NDUFV1: variants seen among roughly 807,000 people sequenced by gnomAD.
The protein encoded by NDUFV1 is NADH:ubiquinone oxidoreductase core subunit V1, also known as NADH dehydrogenase [ubiquinone] flavoprotein 1, mitochondrial.
In NDUFV1, 41 loss-of-function variants were observed where a neutral mutation model predicts 48.7. That is an observed-to-expected ratio of 0.84 (90% CI 0.66 to 1.09). The LOEUF (loss-of-function observed/expected upper bound fraction) is 1.09. NDUFV1 is among the 50% of genes least tolerant of loss of function. The pLI, the probability that NDUFV1 is intolerant of heterozygous loss-of-function variation, is 0.00. For synonymous variants in NDUFV1, 231 were observed against 259.1 expected, an observed-to-expected ratio of 0.89 and a Z score of 1.04; for missense variants, 580 against 645.4, an observed-to-expected ratio of 0.90 and a Z score of 1.10.
In NDUFV1 at chr11:67,610,419, C is replaced by G. The variant is rs10896187; in HGVS notation, c.549C>G (p.Gly183=). The part of the protein sequence containing the change: ...IREAYEAGLI[G]KNACGSGYDF... ...AGGCCTATGAGGCAGGTCTGATTGGCAAGAATGCTTGTGGCTCTGGCTATG... is the reference window on the plus strand; with the variant it reads ...AGGCCTATGAGGCAGGTCTGATTGGGAAGAATGCTTGTGGCTCTGGCTATG... Residue 183 remains glycine, a synonymous_variant, in exon 5 of 10, where the codon GGC becomes GGG. Transcript: ENST00000322776. The G allele has an allele frequency of 8.6e-3, 13,922 of 1,614,096 alleles. 1,046 individuals carry two copies. The African/African-American group carries it at 0.16, about 19-fold the overall frequency.
In NDUFV1 at chr11:67,611,467, G is replaced by A. The variant is rs1188731694; in HGVS notation, c.978G>A (p.Leu326=). The A allele has an allele frequency of 1.2e-5, 19 of 1,614,014 alleles. No individual in the cohort carries two copies. The highest frequency in any genetic ancestry group is 1.7e-5 in the Admixed American group (1 of 60,002). ...TCCCTGGCGGCTCGTCTACCCCACTGATCCCCAAGTCTGTGTGTGAGACGG... is the reference window on the plus strand; with the variant it reads ...TCCCTGGCGGCTCGTCTACCCCACTAATCCCCAAGTCTGTGTGTGAGACGG... ...AVIPGGSSTP[L]IPKSVCETVL... is the part of the protein sequence containing the mutation. Residue 326 remains leucine (L), a synonymous_variant, in exon 7 of 10, where the codon CTG becomes CTA. Coordinates refer to ENST00000322776, the MANE Select transcript of NDUFV1 (RefSeq NM_007103.4). The surrounding 1 kb of genome is among the most constrained non-coding windows in gnomAD (Gnocchi z 4.2).
In NDUFV1 at chr11:67,612,494, T is replaced by C. The variant is rs1193236847; in HGVS notation, c.*36T>C. On this transcript the variant is annotated 3_prime_UTR_variant, in exon 10 of 10. Coordinates refer to ENST00000322776, the MANE Select transcript of NDUFV1 (RefSeq NM_007103.4). This position sits in a 1 kb window ranked among gnomAD's most constrained non-coding sequence, Gnocchi z 4.4. ...TGGCCTGCTGTCCTGCGTCTATCCA[T>C]GTGGAATGCTGGACAATAAAGCGAG... 3 of 1,594,644 alleles carry C rather than the reference T, an allele frequency of 1.9e-6. No individual in the cohort carries two copies. The highest frequency in any genetic ancestry group is 2.2e-5 in the South Asian group (2 of 89,294).
chr11:67,608,707 A>G lies in NDUFV1; in HGVS notation c.311A>G (p.Lys104Arg), dbSNP rs548391648. 1 of 1,613,928 alleles carries G rather than the reference A, an allele frequency of 6.2e-7. No homozygotes were observed. The highest frequency in any genetic ancestry group is 1.3e-5 in the African/African-American group (1 of 75,022). The part of the protein sequence containing the change: ...PTGLKWSFMN[K>R]PSDGRPKYLV... The stretch of plus-strand genomic sequence containing the variant: ...GGCCTCAAGTGGAGCTTCATGAATA[A>G]GCCCTCAGATGGCAGGTGTGTGTGT... The change falls in exon 3 of 10, where the codon AAG becomes AGG. Residue 104 changes from lysine (K) to arginine (R), a missense_variant. By Grantham distance (26) the Lys-to-Arg change is conservative. Coordinates refer to ENST00000322776, the MANE Select transcript of NDUFV1 (RefSeq NM_007103.4).
At chr11:67,610,777 G>A in intron 5 of NDUFV1, 1 of 796,776 alleles carries the variant, frequency 1.3e-6, no homozygotes, top group Non-Finnish European at 2.0e-6. Context: ...GTGCTGCTCT[G>A]TGGCTCCACC....
At chr11:67,610,854 G>T in intron 5 of NDUFV1, 141 bp from the exon 6 acceptor site, 1 of 856,140 alleles carries the variant, frequency 1.2e-6, no homozygotes. Flanking sequence ...CTGGAGTTTG[G>T]GGTCCAGCAG....
rs778847509 is a variant in NDUFV1, at chr11:67,611,226, C to CAGGT, written c.913+20_913+23dup. On this transcript the variant is annotated intron_variant, in intron 6 of 9. Coordinates refer to ENST00000322776, the MANE Select transcript of NDUFV1 (RefSeq NM_007103.4). The surrounding 1 kb of genome is among the most constrained non-coding windows in gnomAD (Gnocchi z 4.2). ...CATGCTGGTAAGGCCTGGGGCCAGC[C>CAGGT]AGGTGGTGGGGGGGTGCGCAGTGGG... 5.6e-6 allele frequency: 9 copies of CAGGT among 1,612,138 alleles called. No individual in the cohort carries two copies. The highest frequency in any genetic ancestry group is 6.8e-6 in the Non-Finnish European group (8 of 1,178,944).
Position 67,608,642 on chromosome 11 carries a change from A to G in NDUFV1, c.246A>G (p.Thr82=), listed in dbSNP as rs755061567. Reference sequence around the variant, plus strand: ...ACTGGATCCTGGGCGAGATCAAGACATCGGGTTTGAGGGGCCGTGGAGGCG... The same window carrying G: ...ACTGGATCCTGGGCGAGATCAAGACGTCGGGTTTGAGGGGCCGTGGAGGCG... ...GPDWILGEIK[T]SGLRGRGGAG... The change falls in exon 3 of 10, where the codon ACA becomes ACG. Residue 82 remains threonine (T), a synonymous_variant. Coordinates refer to ENST00000322776, the MANE Select transcript of NDUFV1 (RefSeq NM_007103.4). 26 of 1,614,126 alleles carry G rather than the reference A, an allele frequency of 1.6e-5. No individual in the cohort carries two copies. The African/African-American group carries it at 3.2e-4, about 20-fold the overall frequency.
chr11:67,607,552 A>G (rs948580064), intron 1 of NDUFV1: 1 of 455,760 alleles, frequency 2.2e-6, no homozygotes, highest in East Asian at 6.9e-5. Flanking sequence ...GAGCCCCTCC[A>G]TCACCTGTGT....
Position 67,608,462 on chromosome 11 carries a change from G to A in NDUFV1, c.139G>A (p.Gly47Ser), listed in dbSNP as rs933746127. 4.3e-6 allele frequency: 7 copies of A among 1,613,986 alleles called. No individual in the cohort carries two copies. The highest frequency in any genetic ancestry group is 2.7e-5 in the African/African-American group (2 of 74,882). The change falls in exon 2 of 10, where the codon GGC becomes AGC. Residue 47 changes from glycine to serine, a missense_variant. Transcript: ENST00000322776. ...DEDRIFTNLY[G>S]RHDWRLKGSL... ...AGACCGGATTTTCACCAACCTGTACGGCCGCCATGACTGGAGGTGAGACAG... is the reference window on the plus strand; with the variant it reads ...AGACCGGATTTTCACCAACCTGTACAGCCGCCATGACTGGAGGTGAGACAG...
rs140445386 is a variant in NDUFV1, at chr11:67,609,491, G to A, written c.366G>A (p.Pro122=). The change falls in exon 4 of 10, where the codon CCG becomes CCA. Residue 122 remains proline (P), a synonymous_variant. Transcript: ENST00000322776. Reference sequence around the variant, plus strand: ...TGGTGAACGCAGACGAGGGGGAGCCGGGCACCTGCAAGGACCGGGAGATCT... The same window carrying A: ...TGGTGAACGCAGACGAGGGGGAGCCAGGCACCTGCAAGGACCGGGAGATCT... ...YLVVNADEGE[P]GTCKDREILR... The A allele has an allele frequency of 1.6e-4, 253 of 1,613,680 alleles. No homozygotes were observed. In the African/African-American group the frequency reaches 2.3e-3, roughly 15 times the overall value.
intron 1 of NDUFV1, 141 bp downstream of exon 1, chr11:67,607,217 C>T (rs1292573847): frequency 1.0e-6 from 1 of 984,016 alleles, no homozygotes; most frequent in Non-Finnish European, 1.6e-6. Context: ...CCCGCTCCGG[C>T]CTGGTTGAAG....
At chr11:67,608,865 CT>C in intron 3 of NDUFV1, 143 bp downstream of exon 3, 2 of 1,158,278 alleles carry the variant, frequency 1.7e-6, no homozygotes, top group South Asian at 2.7e-5. Flanking sequence ...ATGGATGGGA[CT>C]TACTCTGTGG....
Position 67,611,857 on chromosome 11 carries a change from TCTGGCCGTGGGTGC to T in NDUFV1, c.1081-36_1081-23del. On this transcript the variant is annotated intron_variant, in intron 7 of 9. Transcript: ENST00000322776. The surrounding 1 kb of genome is among the most constrained non-coding windows in gnomAD (Gnocchi z 4.2). ...TAGGGGGCTGAGGCCCAGGCTTCTG[TCTGGCCGTGGGTGC>T]CTGCTAATTGCCCCTCGTCACCCAG... The T allele has an allele frequency of 6.2e-7, 1 of 1,608,214 alleles. No homozygotes were observed. The highest frequency in any genetic ancestry group is 8.5e-7 in the Non-Finnish European group (1 of 1,174,894).
Position 67,609,280 on chromosome 11 carries a change from CCT to C in NDUFV1, c.327-171_327-170del. The stretch of plus-strand genomic sequence containing the variant: ...CAAAGACAGAATAGGCAGTGAGCTC[CCT>C]GTCATTGGTGGTGAGCAAGCAGAGC... On this transcript the variant is annotated intron_variant, in intron 3 of 9. Coordinates refer to ENST00000322776, the MANE Select transcript of NDUFV1 (RefSeq NM_007103.4). The C allele has an allele frequency of 6.1e-6, 4 of 655,124 alleles. 1 individual carries two copies. Among genetic ancestry groups the C allele is most frequent in the South Asian group, 5.7e-5 (3 of 52,852 alleles). The allele number at this position is 655,124 out of a possible 1,614,324, so 40.6% of individuals were successfully genotyped here. A position where few individuals can be genotyped will look rare whatever the true frequency, so the allele number is the denominator to read the frequency against.
chr11:67,612,177 C>T lies in NDUFV1; in HGVS notation c.1220C>T (p.Ala407Val). The change falls in exon 9 of 10, where the codon GCC becomes GTC. Residue 407 changes from alanine to valine, a missense_variant. By Grantham distance (64) the Ala-to-Val change is moderately conservative. Transcript: ENST00000322776. The surrounding 1 kb of genome is among the most constrained non-coding windows in gnomAD (Gnocchi z 4.4). ...ARFVRGDARP[A>V]EIDSLWEISK... Reference sequence around the variant, plus strand: ...TTCGTGAGGGGGGATGCCCGGCCGGCCGAGATCGACTCCCTGTGGGAGATC... The same window carrying T: ...TTCGTGAGGGGGGATGCCCGGCCGGTCGAGATCGACTCCCTGTGGGAGATC... 6.2e-7 allele frequency: 1 copy of T among 1,613,622 alleles called. No homozygotes were observed. Among genetic ancestry groups the T allele is most frequent in the Non-Finnish European group, 8.5e-7 (1 of 1,179,936 alleles).
At position 67,612,008 on chromosome 11, in the gene NDUFV1, T is replaced by A. The variant is rs1486626921; in HGVS notation, c.1162+30T>A. The A allele has an allele frequency of 1.2e-6, 2 of 1,613,556 alleles. No homozygotes were observed. The highest frequency in any genetic ancestry group is 1.7e-6 in the Non-Finnish European group (2 of 1,179,936). On this transcript the variant is annotated intron_variant, in intron 8 of 9. Transcript: ENST00000322776. The surrounding 1 kb of genome is among the most constrained non-coding windows in gnomAD (Gnocchi z 4.4). ...GCATCGGGCAGGTTGGGGGCTTGCT[T>A]GCTGTGGCTTCATTTAACCTCCTCC...
chr11:67,607,028 CG>C lies in NDUFV1; in HGVS notation c.26del (p.Gly9AlafsTer27). 1 of 1,609,592 alleles carries C rather than the reference CG, an allele frequency of 6.2e-7. No individual in the cohort carries two copies. On this transcript the variant is annotated frameshift_variant, in exon 1 of 10. Coordinates refer to ENST00000322776, the MANE Select transcript of NDUFV1 (RefSeq NM_007103.4). LOFTEE classifies it high-confidence loss of function. ...CGATGCTGGCAACACGGCGGCTGCT[CG>C]GCTGGTCGCTTCCCGCGCGGGTATC... Reference protein sequence around the residue: MLATRRLLGWSLPARVSVR... With the variant: MLATRRLLXWSLPARVSVR...
At chr11:67,609,809 TC>T in intron 4 of NDUFV1, 174 bp downstream of exon 4, 1 of 678,610 alleles carries the variant, frequency 1.5e-6, no homozygotes, top group Non-Finnish European at 2.4e-6. Flanking sequence ...AAAGCCTCCT[TC>T]CAGGGCTCCT....
At chr11:67,610,019 G>A (rs1854882741) in intron 4 of NDUFV1, 1 of 347,236 alleles carries the variant, frequency 2.9e-6, no homozygotes, top group Admixed American at 4.5e-5. Flanking sequence ...ATATCTGTAG[G>A]AAATATAGAA....
Sources: gnomAD v4.1 joint callset for allele counts on GRCh38, gnomAD v4.1.1 for gene constraint, Gnocchi (gnomAD v3.1) non-coding constraint, MANE v1.5 for transcripts, NCBI Gene and HGNC (gene_info 2026-07-23, HGNC 2026-07-21) for gene names.